RANBP2: variants seen among roughly 807,000 people sequenced by gnomAD.
RANBP2 encodes the protein E3 SUMO-protein ligase RanBP2.
In RANBP2, 57 loss-of-function variants were observed where a neutral mutation model predicts 303.6. That is an observed-to-expected ratio of 0.19 (90% CI 0.15 to 0.23). RANBP2 has a LOEUF of 0.23. RANBP2 is among the 10% of genes least tolerant of loss of function. The pLI is 1.00. For missense variants in RANBP2, 3,138 were observed against 3,780.8 expected, an observed-to-expected ratio of 0.83 and a Z score of 4.46; for synonymous variants, 1,167 against 1,301.5, an observed-to-expected ratio of 0.90 and a Z score of 2.23.
the RANBP2 span, among the ~76,000 whole-genome samples, chr2:109,414,990 C>T: frequency 6.6e-6 from 1 of 152,220 alleles, no homozygotes; most frequent in African/African-American, 2.4e-5. Context: ...GCCACCGCAG[C>T]CACAAAGGCC....
At chr2:108,731,074 G>A (rs1403211168) in intron 3 of RANBP2, among the ~76,000 whole-genome samples, 189 bp downstream of exon 3, 29 of 152,112 alleles carry the variant, frequency 1.9e-4, no homozygotes, top group Middle Eastern at 3.4e-3. Flanking sequence ...AGTCTAACAC[G>A]GTCAGAAATG....
the RANBP2 span, among the ~76,000 whole-genome samples, chr2:108,891,763 G>A: frequency 0.019 from 2,842 of 152,194 alleles, 97 homozygotes; most frequent in African/African-American, 0.066. Flanking sequence ...GTAGCAGGAC[G>A]ATTCTCTGGG....
Position 108,766,533 on chromosome 2 carries a change from A to G in RANBP2, c.5994A>G (p.Lys1998=). The G allele has an allele frequency of 6.2e-7, 1 of 1,611,974 alleles. No individual in the cohort carries two copies. The highest frequency in any genetic ancestry group is 8.5e-7 in the Non-Finnish European group (1 of 1,179,852). The part of the protein sequence containing the change: ...NKANTSGDFE[K]DDDAYKTEDS... ...CAAACACTTCCGGTGACTTTGAGAA[A>G]GATGATGATGCCTATAAGACTGAGG... is the stretch of plus-strand genomic sequence containing the variant. Residue 1998 remains lysine (K), a synonymous_variant, in exon 20 of 29, where the codon AAA becomes AAG. Transcript: ENST00000283195.
At chr2:109,432,374 C>G in the RANBP2 span, 2 of 1,188,832 alleles carry the variant, frequency 1.7e-6, no homozygotes, top group Admixed American at 2.2e-5. Context: ...ACTGCAGAGC[C>G]CCCATAGACT....
chr2:109,258,515 C>T, the RANBP2 span, among the ~76,000 whole-genome samples: 1 of 152,152 alleles, frequency 6.6e-6, no homozygotes, highest in African/African-American at 2.4e-5. Context: ...CTGGCCAGGG[C>T]GGTGAGCCTC....
the RANBP2 span, among the ~76,000 whole-genome samples, chr2:109,582,124 G>A: frequency 2.1e-5 from 3 of 145,640 alleles, no homozygotes; most frequent in East Asian, 3.9e-4. Context: ...TCACTCTCAC[G>A]CAAAAACCTA....
Position 108,767,300 on chromosome 2 carries a change from G to C in RANBP2, c.6761G>C (p.Arg2254Thr), listed in dbSNP as rs1479673603. ...TCTCCATTGGCAAGTAGCCCTGTGA[G>C]AAAAAATCTTTTCCGTTTTGGTGAG... ...HASPLASSPV[R>T]KNLFRFGEST... is the part of the protein sequence containing the mutation. The change falls in exon 20 of 29, where the codon AGA (arginine) becomes ACA (threonine). Residue 2254 changes from arginine to threonine, a missense_variant. Physicochemically the swap from Arg to Thr is moderately conservative, Grantham distance 71 (BLOSUM62 -1). Around this residue, in one of 20 missense-constraint regions of RANBP2, gnomAD observed 72 missense variants for 86.8 expected, o/e 0.83. Transcript: ENST00000283195. The C allele has an allele frequency of 6.2e-7, 1 of 1,612,024 alleles. No homozygotes were observed. The highest frequency in any genetic ancestry group is 8.5e-7 in the Non-Finnish European group (1 of 1,179,860).
At chr2:109,650,965 C>G in the RANBP2 span, among the ~76,000 whole-genome samples, 1 of 152,060 alleles carries the variant, frequency 6.6e-6, no homozygotes, top group Non-Finnish European at 1.5e-5. Context: ...AGGGACAGTC[C>G]CCAGTGGTGC....
rs752410886 is a variant in RANBP2 at position 108,765,007 on chromosome 2, G to A, written c.4468G>A (p.Val1490Ile). ...ACAGTGGGATTGCAGTGCATGTTTG[G>A]TACAAAATGAGGGGAGCTCTACAAA... ...EGQWDCSACL[V>I]QNEGSSTKCA... Residue 1490 changes from valine to isoleucine, a missense_variant, in exon 20 of 29, where the codon GTA becomes ATA. Physicochemically the swap from Val to Ile is conservative, Grantham distance 29. Transcript: ENST00000283195. 6.2e-7 allele frequency: 1 copy of A among 1,613,962 alleles called. No homozygotes were observed. The highest frequency in any genetic ancestry group is 1.1e-5 in the South Asian group (1 of 91,078).
the RANBP2 span, among the ~76,000 whole-genome samples, chr2:109,021,764 C>T: frequency 6.6e-6 from 1 of 152,064 alleles, no homozygotes; most frequent in Non-Finnish European, 1.5e-5. Flanking sequence ...GTGAACTCAC[C>T]TGGGCATCCC....
At chr2:108,807,987 A>G in the RANBP2 span, among the ~76,000 whole-genome samples, 2 of 152,168 alleles carry the variant, frequency 1.3e-5, no homozygotes, top group African/African-American at 4.8e-5. Context: ...CCCAACCTCT[A>G]GTAACCAATA....
the RANBP2 span, among the ~76,000 whole-genome samples, chr2:108,821,850 C>T: frequency 6.8e-6 from 1 of 147,450 alleles, no homozygotes; most frequent in African/African-American, 2.5e-5. Context: ...GAGGCTGAGG[C>T]GGGAGAATTG....
chr2:109,290,386 T>C, the RANBP2 span, among the ~76,000 whole-genome samples: 3 of 152,362 alleles, frequency 2.0e-5, no homozygotes, highest in African/African-American at 7.2e-5. Context: ...GAATGTACCA[T>C]AAATACTCAA....
At chr2:108,981,238 G>A in the RANBP2 span, among the ~76,000 whole-genome samples, 4 of 152,200 alleles carry the variant, frequency 2.6e-5, no homozygotes, top group Non-Finnish European at 4.4e-5. Flanking sequence ...CTCTGGGCCT[G>A]TGTCCACCTG....
the RANBP2 span, among the ~76,000 whole-genome samples, chr2:109,024,701 G>A: frequency 2.6e-5 from 4 of 152,162 alleles, no homozygotes; most frequent in Admixed American, 6.6e-5. Context: ...GGCTTGGCCC[G>A]GCTGGTTAGG....
chr2:108,800,732 T>A, the RANBP2 span, among the ~76,000 whole-genome samples: 2 of 110,894 alleles, frequency 1.8e-5, no homozygotes, highest in Non-Finnish European at 3.6e-5. Context: ...ACCCACTAAC[T>A]CATCATCTAG....
chr2:108,915,926 A>T, the RANBP2 span, among the ~76,000 whole-genome samples: 21 of 152,070 alleles, frequency 1.4e-4, no homozygotes, highest in Admixed American at 1.4e-3. Flanking sequence ...AAATAAAAAT[A>T]AAAAAAGAGC....
the RANBP2 span, among the ~76,000 whole-genome samples, chr2:109,694,406 CTTTT>C: frequency 3.6e-5 from 5 of 137,916 alleles, no homozygotes; most frequent in African/African-American, 1.3e-4. Flanking sequence ...AACTAAACCT[CTTTT>C]TTTTTTTTTT....
At chr2:109,674,920 C>T in the RANBP2 span, among the ~76,000 whole-genome samples, 1 of 152,096 alleles carries the variant, frequency 6.6e-6, no homozygotes, top group Admixed American at 6.6e-5. Context: ...TTCTCCCTCA[C>T]TTCATGTCTT....
Sources: allele counts gnomAD v4.1 joint callset (sites outside exome capture counted in the v4.1 genomes callset), GRCh38; gene constraint gnomAD v4.1.1; regional missense constraint gnomAD v4.1.1; transcripts MANE v1.5; gene names NCBI Gene and HGNC (gene_info 2026-07-23, HGNC 2026-07-21).